Variants in FIGN observed in about 807,000 individuals in gnomAD.
The protein encoded by FIGN is fidgetin.
FIGN carries 11 observed loss-of-function variants against 51.3 expected under a neutral mutation model. The observed-to-expected ratio is 0.21, with a 90% CI of 0.13 to 0.35. The LOEUF (loss-of-function observed/expected upper bound fraction) is 0.35, where lower values mean the gene tolerates loss of function less well. Ranked by LOEUF, FIGN falls within the 10% of genes least tolerant of loss-of-function variation. The pLI, the probability that FIGN is intolerant of heterozygous loss-of-function variation, is 1.00. For synonymous variants in FIGN, 407 were observed against 363.2 expected (o/e 1.12, Z -1.37); for missense variants, 857 against 943.6 (o/e 0.91, Z 1.20).
At chr2:163,702,623 G>A (rs971247853) in intron 2 of FIGN, among the ~76,000 whole-genome samples, 10 of 152,122 alleles carry the variant, frequency 6.6e-5, no homozygotes, top group Non-Finnish European at 8.8e-5. Flanking sequence ...TCCCTGTAAC[G>A]TACTTGTCAG....
rs1253254780 is a variant in FIGN, at chr2:163,605,906, T to G, written c.*3646A>C. 6.6e-6 allele frequency: 1 copy of G among 151,992 alleles called. No individual in the cohort carries two copies. The highest frequency in any genetic ancestry group is 1.5e-5 in the Non-Finnish European group (1 of 67,966). 9.4% of individuals were successfully genotyped at this position (151,992 alleles called of 1,614,324 possible). The stretch of plus-strand genomic sequence containing the variant: ...ATAGGAACTAATTTGGATTTTTTTT[T>G]TTTTTGGATGTGTTCTTTTGAAAAC... On this transcript the variant is annotated 3_prime_UTR_variant, in exon 3 of 3. Coordinates refer to ENST00000333129, the MANE Select transcript of FIGN (RefSeq NM_018086.4).
chr2:163,649,004 T>C (rs1048670010), intron 2 of FIGN, among the ~76,000 whole-genome samples: 1 of 152,232 alleles, frequency 6.6e-6, no homozygotes, highest in African/African-American at 2.4e-5. Context: ...ACATACTGTA[T>C]TTAATTCAAG....
chr2:163,628,591 A>G (rs1453860042), intron 2 of FIGN, among the ~76,000 whole-genome samples: 2 of 152,110 alleles, frequency 1.3e-5, no homozygotes, highest in Admixed American at 1.3e-4. Flanking sequence ...GATATACAGG[A>G]CAAATTCGAG....
At position 163,637,930 on chromosome 2, in the gene FIGN, TG is replaced by T. The variant is rs142715652; in HGVS notation, c.26-26125del. ...AACAAAGCATCAGCAGAAAGCACGG[TG>T]CCTCTGTGTGCTGGGATCTCCAATA... On this transcript the variant is annotated intron_variant, in intron 2 of 2. Coordinates refer to ENST00000333129, the MANE Select transcript of FIGN (RefSeq NM_018086.4). Among the ~76,000 whole-genome samples the T allele has an allele frequency of 2.3e-3, 345 of 152,286 alleles. 6 individuals carry two copies. In the East Asian group the frequency reaches 0.04, roughly 18 times the overall value.
intron 2 of FIGN, chr2:163,616,990 T>G: frequency 1.8e-6 from 1 of 550,190 alleles, no homozygotes; most frequent in Non-Finnish European, 2.3e-6. Context: ...AATATCTACT[T>G]ATTATCATTC....
intron 2 of FIGN, among the ~76,000 whole-genome samples, chr2:163,716,058 T>C (rs981180961): frequency 6.6e-6 from 1 of 152,242 alleles, no homozygotes; most frequent in African/African-American, 2.4e-5. Context: ...TGTGGGGCTT[T>C]TTTATGATTT....
At chr2:163,625,404 T>TA (rs1197184547) in intron 2 of FIGN, among the ~76,000 whole-genome samples, 2 of 152,024 alleles carry the variant, frequency 1.3e-5, no homozygotes, top group Non-Finnish European at 2.9e-5. Flanking sequence ...ATATTGTTGT[T>TA]AAAAATGTGA....
chr2:163,624,709 T>TA (rs1553493913), intron 2 of FIGN, among the ~76,000 whole-genome samples: 84,966 of 131,894 alleles, frequency 0.64, 27,336 homozygotes, highest in Non-Finnish European at 0.74. Context: ...TATATATATA[T>TA]TTTTTTTTTT....
At chr2:163,689,215 G>C (rs1684201390) in intron 2 of FIGN, among the ~76,000 whole-genome samples, 1 of 91,314 alleles carries the variant, frequency 1.1e-5, no homozygotes, top group South Asian at 3.8e-4. Context: ...CACAGAGAGA[G>C]AGTGAGATTA....
At chr2:163,677,294 A>T (rs529227045) in intron 2 of FIGN, among the ~76,000 whole-genome samples, 1 of 152,360 alleles carries the variant, frequency 6.6e-6, no homozygotes, top group South Asian at 2.1e-4. Context: ...ATAGGTAAAC[A>T]TAACTACCCA....
chr2:163,630,679 G>T (rs907056145), intron 2 of FIGN, among the ~76,000 whole-genome samples: 1 of 150,968 alleles, frequency 6.6e-6, no homozygotes, highest in African/African-American at 2.4e-5. Flanking sequence ...AAAAAAAGGG[G>T]GGGGGGAATG....
chr2:163,693,115 C>T (rs146524290), intron 2 of FIGN, among the ~76,000 whole-genome samples: 5 of 152,310 alleles, frequency 3.3e-5, no homozygotes, highest in African/African-American at 1.2e-4. Context: ...TCACCAACCA[C>T]CTGAAACCAC....
intron 2 of FIGN, among the ~76,000 whole-genome samples, chr2:163,667,984 G>A (rs1374552970): frequency 6.8e-6 from 1 of 146,470 alleles, no homozygotes; most frequent in Non-Finnish European, 1.5e-5. Flanking sequence ...GTCTCACAGA[G>A]TTCAAGGAAA....
intron 2 of FIGN, chr2:163,612,692 A>ATGTATGTG: frequency 2.6e-6 from 1 of 385,002 alleles, no homozygotes; most frequent in Non-Finnish European, 3.4e-6. Flanking sequence ...AGAGGGGAGA[A>ATGTATGTG]TGTGTGTGTG....
intron 2 of FIGN, among the ~76,000 whole-genome samples, chr2:163,664,301 G>C (rs1029554309): frequency 5.9e-5 from 9 of 152,154 alleles, no homozygotes; most frequent in African/African-American, 2.2e-4. Flanking sequence ...CCTTCAGCTG[G>C]CTTCCAAAGC....
rs1008950931 is a variant in FIGN, at chr2:163,608,635, C to G, written c.*917G>C. 2.0e-5 allele frequency: 3 copies of G among 152,246 alleles called. No homozygotes were observed. Among genetic ancestry groups the G allele is most frequent in the African/African-American group, 7.2e-5 (3 of 41,456 alleles). The allele number at this position is 152,246 out of a possible 1,614,324, so 9.4% of individuals were successfully genotyped here. A position where few individuals can be genotyped will look rare whatever the true frequency, so the allele number is the denominator to read the frequency against. On this transcript the variant is annotated 3_prime_UTR_variant, in exon 3 of 3. Coordinates refer to ENST00000333129, the MANE Select transcript of FIGN (RefSeq NM_018086.4). ...ATCAAGGAGCAATGTACTAAGAACT[C>G]TTGCAGTTATTGACATAAAGAATTA... is the stretch of plus-strand genomic sequence containing the variant.
intron 2 of FIGN, among the ~76,000 whole-genome samples, chr2:163,651,344 C>A (rs547209097): frequency 1.2e-4 from 18 of 152,206 alleles, no homozygotes; most frequent in African/African-American, 3.9e-4. Context: ...CACCTGTAGT[C>A]CCAGCTACTC....
At chr2:163,710,774 G>T (rs1420360942) in intron 2 of FIGN, among the ~76,000 whole-genome samples, 1 of 152,084 alleles carries the variant, frequency 6.6e-6, no homozygotes, top group African/African-American at 2.4e-5. Flanking sequence ...ACCAGCATGA[G>T]ATGAAGGTAC....
chr2:163,685,616 A>G (rs1684135009), intron 2 of FIGN, among the ~76,000 whole-genome samples: 1 of 152,200 alleles, frequency 6.6e-6, no homozygotes, highest in Admixed American at 6.5e-5. Context: ...ACAGCTCATC[A>G]ATCAGAAGGC....
Sources: allele counts gnomAD v4.1 joint callset (sites outside exome capture counted in the v4.1 genomes callset), GRCh38; gene constraint gnomAD v4.1.1; transcripts MANE v1.5; gene names NCBI Gene and HGNC (gene_info 2026-07-23, HGNC 2026-07-21).